The following TSHZ2 variants were observed in gnomAD, a reference collection of about 807,000 sequenced individuals.
The protein encoded by TSHZ2 is teashirt zinc finger homeobox 2, also known as teashirt homolog 2.
A neutral mutation model predicts 74.4 loss-of-function variants in TSHZ2; 21 were observed. That is an observed-to-expected ratio of 0.28 (90% confidence interval 0.20 to 0.41). The LOEUF (loss-of-function observed/expected upper bound fraction) is 0.41. TSHZ2 is among the 10% of genes least tolerant of loss of function. The pLI, the probability that TSHZ2 is intolerant of heterozygous loss-of-function variation, is 1.00. For synonymous variants in TSHZ2, 540 were observed against 515.3 expected, an observed-to-expected ratio of 1.05 and a Z score of -0.65; for missense variants, 1,244 against 1,293.5, an observed-to-expected ratio of 0.96 and a Z score of 0.59.
At chr20:53,046,147 G>A (rs760788372) in intron 1 of TSHZ2, among the ~76,000 whole-genome samples, 3 of 152,132 alleles carry the variant, frequency 2.0e-5, no homozygotes, top group Non-Finnish European at 4.4e-5. Context: ...GGGGCTGCAG[G>A]CAAGAGGGGA....
At chr20:53,026,863 C>T (rs995848744) in intron 1 of TSHZ2, among the ~76,000 whole-genome samples, 2 of 151,956 alleles carry the variant, frequency 1.3e-5, no homozygotes, top group Non-Finnish European at 2.9e-5. Flanking sequence ...TCAGGCTGGG[C>T]GTAGTGGCTC....
chr20:53,440,302 G>A (rs552990958), intron 2 of TSHZ2, among the ~76,000 whole-genome samples: 6 of 152,302 alleles, frequency 3.9e-5, no homozygotes, highest in African/African-American at 1.4e-4. Context: ...TGATAATGCT[G>A]TTGATAGTAA....
intron 1 of TSHZ2, among the ~76,000 whole-genome samples, chr20:53,115,048 G>T (rs560577014): frequency 6.6e-6 from 1 of 152,076 alleles, no homozygotes; most frequent in African/African-American, 2.4e-5. Context: ...CAAGTCTTAC[G>T]CATTTGGGTG....
At chr20:53,246,622 GT>G in intron 1 of TSHZ2, among the ~76,000 whole-genome samples, 1 of 152,290 alleles carries the variant, frequency 6.6e-6, no homozygotes, top group East Asian at 1.9e-4. Context: ...TGTGACGAAA[GT>G]CCTAGTGAAA....
intron 2 of TSHZ2, among the ~76,000 whole-genome samples, chr20:53,450,937 T>C: frequency 6.6e-6 from 1 of 152,062 alleles, no homozygotes. Context: ...CACTTTTCTC[T>C]ACTTAATACT....
intron 2 of TSHZ2, among the ~76,000 whole-genome samples, chr20:53,275,338 G>A (rs1367713661): frequency 6.6e-6 from 1 of 152,052 alleles, no homozygotes; most frequent in Admixed American, 6.6e-5. Flanking sequence ...TATCATTGTA[G>A]AGAGGCCCTT....
intron 2 of TSHZ2, among the ~76,000 whole-genome samples, chr20:53,356,697 C>T (rs949175063): frequency 3.3e-5 from 5 of 152,084 alleles, no homozygotes; most frequent in Admixed American, 1.3e-4. Context: ...ACAGAACTCT[C>T]AAAAGGATCC....
intron 1 of TSHZ2, among the ~76,000 whole-genome samples, chr20:53,064,646 T>C (rs1056441652): frequency 6.7e-6 from 1 of 150,112 alleles, no homozygotes; most frequent in Non-Finnish European, 1.5e-5. Context: ...CTCTAAAAAA[T>C]AAATAACTTT....
At chr20:53,386,073 G>GC (rs1982034651) in intron 2 of TSHZ2, among the ~76,000 whole-genome samples, 1 of 152,170 alleles carries the variant, frequency 6.6e-6, no homozygotes, top group Admixed American at 6.5e-5. Context: ...AGAAGGCCAG[G>GC]CCCTGGGTCT....
At chr20:52,978,147 C>T (rs1034671064) in intron 1 of TSHZ2, among the ~76,000 whole-genome samples, 28 of 152,110 alleles carry the variant, frequency 1.8e-4, no homozygotes, top group Non-Finnish European at 3.8e-4. Flanking sequence ...GGAATTTCTC[C>T]AAAGGATAAT....
chr20:53,104,573 G>A (rs768252687), intron 1 of TSHZ2, among the ~76,000 whole-genome samples: 51 of 152,150 alleles, frequency 3.4e-4, no homozygotes, highest in Non-Finnish European at 6.2e-4. Flanking sequence ...TGACAGATCC[G>A]ACTGAAGAAA....
chr20:53,384,703 G>T (rs949738914), intron 2 of TSHZ2, among the ~76,000 whole-genome samples: 2 of 152,218 alleles, frequency 1.3e-5, no homozygotes, highest in East Asian at 1.9e-4. Context: ...GACCAAAAAT[G>T]AGATAAAGCA....
chr20:53,078,880 G>A (rs931451620), intron 1 of TSHZ2, among the ~76,000 whole-genome samples: 2 of 152,202 alleles, frequency 1.3e-5, no homozygotes, highest in African/African-American at 4.8e-5. Flanking sequence ...TGATGTTCAA[G>A]AGTTAGGGAG....
chr20:53,133,694 C>T (rs1383969092), intron 1 of TSHZ2, among the ~76,000 whole-genome samples: 1 of 152,056 alleles, frequency 6.6e-6, no homozygotes, highest in Admixed American at 6.5e-5. Flanking sequence ...CTAGCCATTC[C>T]AGTGAATTCT....
intron 1 of TSHZ2, among the ~76,000 whole-genome samples, chr20:53,076,554 G>A (rs539801507): frequency 1.8e-4 from 28 of 152,168 alleles, no homozygotes; most frequent in Non-Finnish European, 2.4e-4. Flanking sequence ...CAAGCGATGC[G>A]GAGGTCCTGA....
intron 2 of TSHZ2, among the ~76,000 whole-genome samples, chr20:53,336,949 A>C (rs1979973410): frequency 1.3e-5 from 2 of 152,200 alleles, no homozygotes; most frequent in South Asian, 4.1e-4. Flanking sequence ...AGATGTGTGC[A>C]TATACCTATA....
intron 1 of TSHZ2, among the ~76,000 whole-genome samples, chr20:53,085,081 C>G (rs912204763): frequency 3.9e-5 from 6 of 152,016 alleles, no homozygotes; most frequent in Non-Finnish European, 7.4e-5. Context: ...AAAATAGATG[C>G]TGGGTGTGGT....
chr20:53,126,383 G>A (rs1018726474), intron 1 of TSHZ2, among the ~76,000 whole-genome samples: 11 of 152,162 alleles, frequency 7.2e-5, no homozygotes, highest in Non-Finnish European at 1.2e-4. Context: ...GCCAACGAGA[G>A]GTAATAGAAA....
chr20:53,028,422 C>G (rs755846909), intron 1 of TSHZ2, among the ~76,000 whole-genome samples: 5 of 152,192 alleles, frequency 3.3e-5, no homozygotes, highest in Non-Finnish European at 7.3e-5. Flanking sequence ...TGGCGGGAAC[C>G]CTGGGCTTTG....
Sources: gnomAD v4.1 joint callset for allele counts (sites outside exome capture counted in the v4.1 genomes callset) on GRCh38, gnomAD v4.1.1 for gene constraint, MANE v1.5 for transcripts, NCBI Gene and HGNC (gene_info 2026-07-23, HGNC 2026-07-21) for gene names.